Variants in ADGRB3 observed in about 807,000 individuals in gnomAD.
ADGRB3 encodes the protein brain-specific angiogenesis inhibitor 3.
A neutral mutation model predicts 193.4 loss-of-function variants in ADGRB3; 37 were observed. The ratio of observed to expected loss-of-function variants is 0.19; its 90% CI spans 0.15 to 0.25. The LOEUF (loss-of-function observed/expected upper bound fraction) is 0.25, where lower values mean the gene tolerates loss of function less well. Ranked by LOEUF, ADGRB3 falls within the 10% of genes least tolerant of loss-of-function variation. ADGRB3 has a pLI of 1.00. For missense variants in ADGRB3, 1,637 were observed against 1,852.9 expected (o/e 0.88, Z 2.14); for synonymous variants, 690 against 644.2 (o/e 1.07, Z -1.08).
At chr6:68,910,855 G>T (rs901069111) in intron 3 of ADGRB3, among the ~76,000 whole-genome samples, 4 of 152,092 alleles carry the variant, frequency 2.6e-5, no homozygotes, top group African/African-American at 9.7e-5. Context: ...CTCCAGCTTT[G>T]TTCTTTTGGC....
chr6:69,149,928 GT>G, intron 17 of ADGRB3, among the ~76,000 whole-genome samples: 1 of 66,362 alleles, frequency 1.5e-5, no homozygotes, highest in Non-Finnish European at 3.2e-5. Context: ...GTCTTTCTGT[GT>G]GTGTGTGTGT....
At chr6:69,163,972 G>A (rs1775064123) in intron 17 of ADGRB3, among the ~76,000 whole-genome samples, 1 of 152,082 alleles carries the variant, frequency 6.6e-6, no homozygotes, top group Non-Finnish European at 1.5e-5. Context: ...TTTCAGGTAT[G>A]AGGCTGCTCC....
intron 13 of ADGRB3, among the ~76,000 whole-genome samples, chr6:69,042,514 A>G (rs1372402372): frequency 1.3e-5 from 2 of 152,222 alleles, no homozygotes; most frequent in Non-Finnish European, 1.5e-5. Context: ...TATATAAGTC[A>G]TGTTTTAAAA....
chr6:69,295,388 G>A (rs1404449280), intron 20 of ADGRB3, among the ~76,000 whole-genome samples: 1 of 152,038 alleles, frequency 6.6e-6, no homozygotes, highest in Non-Finnish European at 1.5e-5. Context: ...TTAGGTAAAT[G>A]GGCATCCTGC....
At chr6:68,974,030 G>T (rs982571847) in intron 8 of ADGRB3, among the ~76,000 whole-genome samples, 2 of 151,978 alleles carry the variant, frequency 1.3e-5, no homozygotes, top group African/African-American at 4.8e-5. Context: ...TGCTATCATT[G>T]CTTTTAGTTG....
At chr6:69,269,875 A>G (rs781082463) in intron 20 of ADGRB3, among the ~76,000 whole-genome samples, 27 of 152,340 alleles carry the variant, frequency 1.8e-4, no homozygotes, top group Non-Finnish European at 2.8e-4. Context: ...CTTTACTGTC[A>G]TACAAAATCC....
chr6:69,014,987 A>G (rs373616102), intron 12 of ADGRB3, among the ~76,000 whole-genome samples: 6 of 152,016 alleles, frequency 3.9e-5, no homozygotes, highest in East Asian at 3.9e-4. Context: ...TCATTATTAG[A>G]TATAAATTTC....
chr6:68,964,164 A>G (rs772663944), intron 8 of ADGRB3, among the ~76,000 whole-genome samples: 1 of 152,196 alleles, frequency 6.6e-6, no homozygotes, highest in Non-Finnish European at 1.5e-5. Context: ...TATTGTAGTT[A>G]TAAATTGTGG....
intron 17 of ADGRB3, among the ~76,000 whole-genome samples, chr6:69,076,760 T>TGG (rs952387466): frequency 6.6e-6 from 1 of 152,010 alleles, no homozygotes; most frequent in Non-Finnish European, 1.5e-5. Flanking sequence ...TTTTTTTGCT[T>TGG]GGTTTGATTT....
At chr6:68,836,703 C>T (rs1412818641) in intron 3 of ADGRB3, among the ~76,000 whole-genome samples, 5 of 152,072 alleles carry the variant, frequency 3.3e-5, no homozygotes, top group African/African-American at 9.7e-5. Flanking sequence ...AGAAGTGAAA[C>T]GTTGGCTGGG....
intron 3 of ADGRB3, among the ~76,000 whole-genome samples, chr6:68,756,970 C>T (rs1044715648): frequency 2.0e-5 from 3 of 152,142 alleles, no homozygotes; most frequent in Admixed American, 6.6e-5. Context: ...TCCTTCACTT[C>T]CTCTAAATAG....
At chr6:69,297,492 G>A (rs1047762909) in intron 20 of ADGRB3, among the ~76,000 whole-genome samples, 2 of 151,480 alleles carry the variant, frequency 1.3e-5, no homozygotes, top group Non-Finnish European at 2.9e-5. Context: ...TGAGCTATGA[G>A]GGAAGCAAAG....
chr6:68,901,861 T>C (rs1766402802), intron 3 of ADGRB3, among the ~76,000 whole-genome samples: 1 of 152,156 alleles, frequency 6.6e-6, no homozygotes, highest in Non-Finnish European at 1.5e-5. Flanking sequence ...TAGCATGATA[T>C]AGTTAAGATT....
At chr6:69,386,486 T>A (rs1431592906) in intron 31 of ADGRB3, among the ~76,000 whole-genome samples, 2 of 152,096 alleles carry the variant, frequency 1.3e-5, no homozygotes, top group Admixed American at 1.3e-4. Flanking sequence ...TTTCAGTTGA[T>A]GTTTGATGAT....
At chr6:68,751,991 C>T (rs1766208413) in intron 3 of ADGRB3, among the ~76,000 whole-genome samples, 2 of 151,980 alleles carry the variant, frequency 1.3e-5, no homozygotes, top group African/African-American at 2.4e-5. Context: ...TTATCATTAG[C>T]TTACTATTCA....
At chr6:68,891,993 A>G (rs1018052036) in intron 3 of ADGRB3, among the ~76,000 whole-genome samples, 4 of 152,140 alleles carry the variant, frequency 2.6e-5, no homozygotes, top group African/African-American at 9.7e-5. Flanking sequence ...TTCTGTCCAT[A>G]CTGTCCAGTC....
intron 3 of ADGRB3, among the ~76,000 whole-genome samples, chr6:68,747,892 TC>T (rs1264404798): frequency 6.6e-6 from 1 of 152,082 alleles, no homozygotes; most frequent in Non-Finnish European, 1.5e-5. Flanking sequence ...GACTTACAGT[TC>T]CATATGGCTT....
intron 10 of ADGRB3, among the ~76,000 whole-genome samples, chr6:68,976,121 A>G (rs576669183): frequency 6.6e-6 from 1 of 152,248 alleles, no homozygotes; most frequent in South Asian, 2.1e-4. Context: ...AAATGCCTTT[A>G]TGTTTTGTTG....
chr6:68,792,919 G>T (rs1767136544), intron 3 of ADGRB3, among the ~76,000 whole-genome samples: 1 of 152,104 alleles, frequency 6.6e-6, no homozygotes, highest in African/African-American at 2.4e-5. Flanking sequence ...GTCATACACA[G>T]TTGTTTAACT....
Sources: allele counts gnomAD v4.1 joint callset (sites outside exome capture counted in the v4.1 genomes callset), GRCh38; gene constraint gnomAD v4.1.1; transcripts MANE v1.5; gene names NCBI Gene and HGNC (gene_info 2026-07-23, HGNC 2026-07-21).